The following STARD13 variants were observed in gnomAD, a reference collection of about 807,000 sequenced individuals.
STARD13 encodes the protein StAR related lipid transfer domain containing 13.
Under a neutral mutation model 106.4 loss-of-function variants are expected in STARD13, and 62 were observed. The ratio of observed to expected loss-of-function variants is 0.58; its 90% CI spans 0.48 to 0.72. The LOEUF is 0.72. STARD13 is among the 30% of genes least tolerant of loss of function. STARD13 has a pLI of 0.00. For synonymous variants in STARD13, 565 were observed against 553.0 expected (o/e 1.02, Z -0.31); for missense variants, 1,387 against 1,424.0 (o/e 0.97, Z 0.42).
chr13:33,430,879 C>T, the STARD13 span, among the ~76,000 whole-genome samples: 3 of 152,034 alleles, frequency 2.0e-5, no homozygotes, highest in Non-Finnish European at 4.4e-5. Flanking sequence ...CTTATGAAGA[C>T]AGAATAGACT....
At chr13:33,633,921 G>A in the STARD13 span, among the ~76,000 whole-genome samples, 1 of 152,096 alleles carries the variant, frequency 6.6e-6, no homozygotes, top group Non-Finnish European at 1.5e-5. Flanking sequence ...TGTACACTGG[G>A]CTTTCAGAAG....
At chr13:33,241,706 G>C (rs1889515213) in intron 1 of STARD13, among the ~76,000 whole-genome samples, 1 of 152,070 alleles carries the variant, frequency 6.6e-6, no homozygotes, top group African/African-American at 2.4e-5. Context: ...ACGCCTGACT[G>C]GTTTTCGTAT....
intron 1 of STARD13, among the ~76,000 whole-genome samples, chr13:33,177,144 T>G (rs1327086381): frequency 3.3e-5 from 5 of 152,250 alleles, no homozygotes; most frequent in Admixed American, 3.3e-4. Flanking sequence ...TTGAGGAATA[T>G]GACAACTTTT....
intron 1 of STARD13, among the ~76,000 whole-genome samples, chr13:33,242,460 G>A (rs1018547821): frequency 9.9e-5 from 15 of 152,104 alleles, no homozygotes; most frequent in Non-Finnish European, 1.9e-4. Context: ...CCTCAACCCC[G>A]TGCTCTCCGA....
At chr13:33,470,837 T>A in the STARD13 span, among the ~76,000 whole-genome samples, 4 of 152,246 alleles carry the variant, frequency 2.6e-5, no homozygotes, top group Non-Finnish European at 5.9e-5. Context: ...CTTTGTCGGA[T>A]GGATAGATTG....
the STARD13 span, among the ~76,000 whole-genome samples, chr13:33,588,490 C>T: frequency 6.6e-6 from 1 of 152,112 alleles, no homozygotes; most frequent in Non-Finnish European, 1.5e-5. Context: ...TGTAAAAAAG[C>T]CATCATCTAA....
the STARD13 span, among the ~76,000 whole-genome samples, chr13:33,562,549 A>G: frequency 3.4e-5 from 5 of 146,634 alleles, 1 homozygote; most frequent in Non-Finnish European, 7.5e-5. Flanking sequence ...TATTTTCTAA[A>G]TAGGTTCAAA....
the STARD13 span, among the ~76,000 whole-genome samples, chr13:33,590,194 AAAC>A: frequency 6.6e-6 from 1 of 152,156 alleles, no homozygotes; most frequent in Non-Finnish European, 1.5e-5. Context: ...AAAAGTCAGG[AAAC>A]AACAGGTGCT....
At chr13:33,449,739 G>C in the STARD13 span, among the ~76,000 whole-genome samples, 1 of 152,098 alleles carries the variant, frequency 6.6e-6, no homozygotes, top group African/African-American at 2.4e-5. Context: ...CATGAACACA[G>C]GATAACTTTC....
At chr13:33,538,635 A>AT in the STARD13 span, among the ~76,000 whole-genome samples, 6,206 of 146,836 alleles carry the variant, frequency 0.042, 319 homozygotes, top group African/African-American at 0.12. Flanking sequence ...AGAGCCCAGT[A>AT]TTTTTTTTTT....
chr13:33,588,477 T>G, the STARD13 span, among the ~76,000 whole-genome samples: 2 of 152,190 alleles, frequency 1.3e-5, no homozygotes, highest in African/African-American at 2.4e-5. Context: ...GAAGGCAAAC[T>G]ACTGTAAAAA....
chr13:33,366,057 TGATATATATATATCAC>T, the STARD13 span, among the ~76,000 whole-genome samples: 1 of 151,992 alleles, frequency 6.6e-6, no homozygotes, highest in Admixed American at 6.5e-5. This position sits in a 1 kb window ranked among gnomAD's most constrained non-coding sequence, Gnocchi z 4.2. Flanking sequence ...TCACTAAAAG[TGATATATATATATCAC>T]TTTTGATATA....
At chr13:33,519,264 C>A in the STARD13 span, among the ~76,000 whole-genome samples, 2 of 143,458 alleles carry the variant, frequency 1.4e-5, no homozygotes, top group South Asian at 4.4e-4. Context: ...TTCTTTCTTT[C>A]TTTCTTTCTT....
chr13:33,359,664 C>T, the STARD13 span: 1 of 139,802 alleles, frequency 7.2e-6, no homozygotes, highest in Admixed American at 7.2e-5. Context: ...GACTCCATCT[C>T]AAAAAAAAAA....
At chr13:33,419,058 C>T in the STARD13 span, among the ~76,000 whole-genome samples, 3 of 152,180 alleles carry the variant, frequency 2.0e-5, no homozygotes, top group Admixed American at 6.5e-5. Flanking sequence ...TGCATCTTCT[C>T]CTCCAAAGGA....
At chr13:33,451,814 A>AT in the STARD13 span, among the ~76,000 whole-genome samples, 2 of 152,330 alleles carry the variant, frequency 1.3e-5, no homozygotes, top group African/African-American at 4.8e-5. Flanking sequence ...GAAGAAAGTG[A>AT]TATGGTATAT....
Position 33,126,254 on chromosome 13 carries a change from A to G in STARD13, c.1923-14T>C. 6.2e-7 allele frequency: 1 copy of G among 1,612,648 alleles called. No individual in the cohort carries two copies. The highest frequency in any genetic ancestry group is 2.2e-5 in the East Asian group (1 of 44,844). ...TTTGGAACTGACCTAGAATTTACAG[A>G]AACCAGGTCATGCAAGCCTCCTGGG... On this transcript the variant is annotated splice_polypyrimidine_tract_variant and intron_variant, in intron 6 of 13. Coordinates refer to ENST00000336934, the MANE Select transcript of STARD13 (RefSeq NM_178006.4).
intron 1 of STARD13, among the ~76,000 whole-genome samples, chr13:33,193,336 C>T (rs1010965210): frequency 2.0e-5 from 3 of 152,108 alleles, no homozygotes; most frequent in African/African-American, 7.2e-5. Context: ...ATCTTGACGC[C>T]TTGCAGAAGG....
the STARD13 span, among the ~76,000 whole-genome samples, chr13:33,619,942 A>C: frequency 1.3e-5 from 2 of 151,980 alleles, no homozygotes; most frequent in Non-Finnish European, 2.9e-5. Context: ...TGCACAGCTC[A>C]CCTACCCAAG....
Sources: gnomAD v4.1 joint callset for allele counts (sites outside exome capture counted in the v4.1 genomes callset) on GRCh38, gnomAD v4.1.1 for gene constraint, Gnocchi (gnomAD v3.1) non-coding constraint, MANE v1.5 for transcripts, NCBI Gene and HGNC (gene_info 2026-07-23, HGNC 2026-07-21) for gene names.